Variants in GYPC observed in about 807,000 individuals in gnomAD.
The protein encoded by GYPC is glycophorin-C.
GYPC carries 14 observed loss-of-function variants against 12.6 expected under a neutral mutation model. That is an observed-to-expected ratio of 1.11 (90% CI 0.74 to 1.74). The LOEUF (loss-of-function observed/expected upper bound fraction) is 1.74. Ranked by LOEUF, GYPC falls within the 40% of genes most tolerant of loss-of-function variation. The pLI, the probability that GYPC is intolerant of heterozygous loss-of-function variation, is 0.00. For missense variants in GYPC, 225 were observed against 172.1 expected (o/e 1.31, Z -1.72); for synonymous variants, 78 against 62.1 (o/e 1.26, Z -1.20).
chr2:126,686,419 TAG>T, intron 1 of GYPC: 2 of 985,430 alleles, frequency 2.0e-6, no homozygotes, highest in South Asian at 4.7e-5. Context: ...CCTGAGGACA[TAG>T]AGAGTTAGTA....
At chr2:126,658,446 T>C (rs1022599242) in intron 1 of GYPC, 2 of 152,178 alleles carry the variant, frequency 1.3e-5, no homozygotes, top group African/African-American at 2.4e-5. Flanking sequence ...TCAACAGAGG[T>C]GAGAGGTTGG....
At chr2:126,656,774 C>G (rs1682372673) in intron 1 of GYPC, among the ~76,000 whole-genome samples, 1 of 152,242 alleles carries the variant, frequency 6.6e-6, no homozygotes, top group Non-Finnish European at 1.5e-5. Context: ...GACTTGCTCG[C>G]TCCGCTGGGC....
chr2:126,689,227 G>C (rs1209231294), intron 1 of GYPC, among the ~76,000 whole-genome samples: 12 of 152,108 alleles, frequency 7.9e-5, no homozygotes, highest in Admixed American at 5.9e-4. Context: ...TTCTCCAAGA[G>C]AGAAAGTGCA....
At chr2:126,691,809 G>A (rs748667512) in intron 2 of GYPC, among the ~76,000 whole-genome samples, 9 of 152,160 alleles carry the variant, frequency 5.9e-5, no homozygotes, top group Non-Finnish European at 1.0e-4. Flanking sequence ...CTCTTCTAAC[G>A]CTGATTGTGT....
chr2:126,689,315 G>T (rs1008186956), intron 1 of GYPC, among the ~76,000 whole-genome samples: 1 of 152,218 alleles, frequency 6.6e-6, no homozygotes, highest in South Asian at 2.1e-4. Context: ...TCACGTCTCT[G>T]AGCCTTGGTG....
At chr2:126,671,493 T>C (rs1049974802) in intron 1 of GYPC, among the ~76,000 whole-genome samples, 7 of 152,194 alleles carry the variant, frequency 4.6e-5, no homozygotes, top group African/African-American at 9.7e-5. Flanking sequence ...TGCTTCCTTA[T>C]TGGAACCTCT....
chr2:126,674,302 C>T (rs373572309), intron 1 of GYPC, among the ~76,000 whole-genome samples: 11 of 152,296 alleles, frequency 7.2e-5, no homozygotes, highest in South Asian at 6.2e-4. Flanking sequence ...GGGCCAGCCG[C>T]TCACCAGCTT....
At chr2:126,688,692 A>C (rs1683361422) in intron 1 of GYPC, among the ~76,000 whole-genome samples, 2 of 152,034 alleles carry the variant, frequency 1.3e-5, no homozygotes, top group South Asian at 4.1e-4. Flanking sequence ...TGGTGGCCCC[A>C]GACACCACTA....
intron 1 of GYPC, among the ~76,000 whole-genome samples, chr2:126,666,342 T>C (rs1682676837): frequency 6.6e-6 from 1 of 152,242 alleles, no homozygotes; most frequent in Admixed American, 6.5e-5. Context: ...TATTCTGTGT[T>C]AAAGTACAAC....
At chr2:126,684,554 C>T (rs1033120611) in intron 1 of GYPC, among the ~76,000 whole-genome samples, 1 of 152,174 alleles carries the variant, frequency 6.6e-6, no homozygotes. Context: ...CTTCAGGAAG[C>T]CTTTCCTGAG....
intron 1 of GYPC, among the ~76,000 whole-genome samples, chr2:126,681,883 C>A (rs775681558): frequency 6.6e-6 from 1 of 152,226 alleles, no homozygotes; most frequent in Non-Finnish European, 1.5e-5. Context: ...AGGGGCCACT[C>A]CCTCACCTGT....
At chr2:126,667,181 C>T (rs565313851) in intron 1 of GYPC, among the ~76,000 whole-genome samples, 3 of 152,118 alleles carry the variant, frequency 2.0e-5, no homozygotes, top group East Asian at 1.9e-4. Context: ...TTTAGAGATA[C>T]GTGGATTTAG....
chr2:126,657,392 T>C (rs1214144589), intron 1 of GYPC, among the ~76,000 whole-genome samples: 2 of 152,216 alleles, frequency 1.3e-5, no homozygotes, highest in African/African-American at 4.8e-5. Flanking sequence ...CAGCCTCTCT[T>C]AGCTCCAGTT....
rs758893051 is a variant in GYPC, at chr2:126,656,299, G to T, written c.36G>T (p.Trp12Cys). ...CGAGAAGCCCCAACAGCACGGCGTG[G>T]CCTCTCAGCCTCGGTGAGTACCCGC... ...WSTRSPNSTAWPLSLEPDPGM... is the reference protein window; with the variant it reads ...WSTRSPNSTACPLSLEPDPGM... Residue 12 changes from tryptophan (W) to cysteine (C), a missense_variant, in exon 1 of 4, where the codon TGG becomes TGT. Transcript: ENST00000259254. 2 of 1,593,298 alleles carry T rather than the reference G, an allele frequency of 1.3e-6. No individual in the cohort carries two copies. Among genetic ancestry groups the T allele is most frequent in the Non-Finnish European group, 1.7e-6 (2 of 1,171,612 alleles).
chr2:126,693,838 C>A (rs779263082), intron 2 of GYPC, 26 bp from the exon 3 acceptor site: 2 of 1,508,242 alleles, frequency 1.3e-6, no homozygotes, highest in African/African-American at 2.7e-5. Context: ...CCTCTCTGAC[C>A]TCAGATTCTT....
chr2:126,683,095 A>G (rs901799327), intron 1 of GYPC, among the ~76,000 whole-genome samples: 1 of 152,184 alleles, frequency 6.6e-6, no homozygotes, highest in Non-Finnish European at 1.5e-5. Context: ...AGGCGGGCGG[A>G]TCATGTGAAG....
intron 1 of GYPC, among the ~76,000 whole-genome samples, chr2:126,682,194 C>A (rs574097533): frequency 1.3e-5 from 2 of 152,318 alleles, no homozygotes; most frequent in South Asian, 4.1e-4. Context: ...ATTTTGGTAC[C>A]CCAAACACCT....
chr2:126,687,175 G>A (rs573391681), intron 1 of GYPC, among the ~76,000 whole-genome samples: 89 of 152,322 alleles, frequency 5.8e-4, no homozygotes, highest in African/African-American at 2.1e-3. Context: ...GAAGTGGGGA[G>A]AGCTGCCTTA....
At chr2:126,685,735 C>G (rs1683271004) in intron 1 of GYPC, 1 of 970,922 alleles carries the variant, frequency 1.0e-6, no homozygotes. Flanking sequence ...ATTGAACACT[C>G]CAGGTAACTG....
Sources: gnomAD v4.1 joint callset for allele counts (sites outside exome capture counted in the v4.1 genomes callset) on GRCh38, gnomAD v4.1.1 for gene constraint, MANE v1.5 for transcripts, NCBI Gene and HGNC (gene_info 2026-07-23, HGNC 2026-07-21) for gene names.